DPM2: variants seen among roughly 807,000 people sequenced by gnomAD.
DPM2 encodes dolichol phosphate-mannose biosynthesis regulatory protein.
In DPM2, 8 loss-of-function variants were observed where a neutral mutation model predicts 12.1. The ratio of observed to expected loss-of-function variants is 0.66; its 90% confidence interval spans 0.39 to 1.19. The LOEUF (loss-of-function observed/expected upper bound fraction) is 1.19, where lower values mean the gene tolerates loss of function less well. DPM2 is among the 50% of genes most tolerant of loss of function. The pLI is 0.01. For synonymous variants in DPM2, 38 were observed against 44.7 expected (o/e 0.85, Z 0.60); for missense variants, 93 against 102.5 (o/e 0.91, Z 0.40).
intron 1 of DPM2, 120 bp downstream of exon 1, chr9:127,937,698 C>A: frequency 7.2e-7 from 1 of 1,383,880 alleles, no homozygotes. Flanking sequence ...CGTTGTCGTC[C>A]GTACAATAGT....
intron 1 of DPM2, 142 bp downstream of exon 1, chr9:127,937,676 G>T: frequency 7.9e-7 from 1 of 1,266,872 alleles, no homozygotes; most frequent in Non-Finnish European, 1.1e-6. Flanking sequence ...GGGAGAGAAT[G>T]CTAGGCCTCC....
chr9:127,936,621 T>G lies in DPM2; in HGVS notation c.128A>C (p.Tyr43Ser). 1 of 1,517,240 alleles carries G rather than the reference T, an allele frequency of 6.6e-7. No homozygotes were observed. 94.0% of individuals were successfully genotyped at this position (1,517,240 alleles called of 1,614,324 possible). ...GACAGCATAGGCTCGGGGCAGGAAA[T>G]ACTTGTGGATGACATGCTGACTGTC... is the stretch of plus-strand genomic sequence containing the variant. The part of the protein sequence containing the change: ...FIDSQHVIHK[Y>S]FLPRAYAVAI... The change falls in exon 3 of 4, where the codon TAT becomes TCT. Residue 43 changes from tyrosine (Y) to serine (S), a missense_variant. Physicochemically the swap from Tyr to Ser is moderately radical, Grantham distance 144. Coordinates refer to ENST00000314392, the MANE Select transcript of DPM2 (RefSeq NM_003863.4).
At chr9:127,936,791 G>A (rs1035582216) in intron 2 of DPM2, 136 bp from the exon 3 acceptor site, 5 of 709,668 alleles carry the variant, frequency 7.0e-6, no homozygotes, top group African/African-American at 5.6e-5. Context: ...TTAAGATTAC[G>A]GCATTTGGGT....
At chr9:127,936,223 A>G in intron 3 of DPM2, 1 of 1,356,710 alleles carries the variant, frequency 7.4e-7, no homozygotes, top group Non-Finnish European at 9.8e-7. Flanking sequence ...TGCAGTAATG[A>G]TGGAGACACA....
At chr9:127,936,442 G>C (rs761061509) in intron 3 of DPM2, 111 bp downstream of exon 3, 1 of 1,609,140 alleles carries the variant, frequency 6.2e-7, no homozygotes, top group Admixed American at 1.7e-5. Flanking sequence ...AAACCCCACG[G>C]GTGAGTTCGG....
At chr9:127,937,313 G>T in intron 2 of DPM2, 121 bp downstream of exon 2, 1 of 725,608 alleles carries the variant, frequency 1.4e-6, no homozygotes, top group Non-Finnish European at 2.4e-6. Context: ...GAGTTGTTCT[G>T]GAGAGTTCAA....
rs771531305 is a variant in DPM2 at position 127,937,527 on chromosome 9, G to A, written c.4-4C>T. 6.2e-7 allele frequency: 1 copy of A among 1,609,838 alleles called. No homozygotes were observed. On this transcript the variant is annotated splice_polypyrimidine_tract_variant and splice_region_variant and intron_variant, in intron 1 of 3. Coordinates refer to ENST00000314392, the MANE Select transcript of DPM2 (RefSeq NM_003863.4). ...CCACCTGGTCTGTCCCCGTGGCCTG[G>A]AGAAAAGGGAGGTCTCAGCTGACGA...
intron 3 of DPM2, chr9:127,936,255 TGAGA>T (rs897997540): frequency 1.3e-5 from 18 of 1,415,770 alleles, no homozygotes; most frequent in African/African-American, 2.9e-5. Flanking sequence ...TAGGAAGCCA[TGAGA>T]GAGAGAGGTG....
At position 127,937,852 on chromosome 9, in the gene DPM2, G is replaced by A. The variant is rs756877865; in HGVS notation, c.-32C>T. On this transcript the variant is annotated 5_prime_UTR_variant, in exon 1 of 4. Transcript: ENST00000314392. The stretch of plus-strand genomic sequence containing the variant: ...GCGCGCTCAGCCACCCGAGCCGCAA[G>A]CCACATCCGGTTCCGGGTCCACGCT... 1 of 1,607,498 alleles carries A rather than the reference G, an allele frequency of 6.2e-7. No individual in the cohort carries two copies. The highest frequency in any genetic ancestry group is 2.2e-5 in the East Asian group (1 of 44,828).
intron 3 of DPM2, 41 bp downstream of exon 3, chr9:127,936,512 G>A (rs780827675): frequency 2.4e-5 from 38 of 1,604,368 alleles, no homozygotes; most frequent in South Asian, 1.1e-4. Flanking sequence ...GGGTCTTCCC[G>A]AAACCCTGCC....
chr9:127,935,988 G>C, intron 3 of DPM2: 1 of 605,342 alleles, frequency 1.7e-6, no homozygotes, highest in Non-Finnish European at 2.9e-6. Flanking sequence ...CCTGCCTCAA[G>C]CAAGATGCTG....
intron 1 of DPM2, 31 bp from the exon 2 acceptor site, chr9:127,937,554 G>A (rs1240851614): frequency 6.4e-7 from 1 of 1,571,154 alleles, no homozygotes; most frequent in Non-Finnish European, 8.7e-7. Context: ...AGCTGACGAA[G>A]TGACCCTCTA....
At chr9:127,936,379 G>A (rs1235058495) in intron 3 of DPM2, 174 bp downstream of exon 3, 3 of 1,546,636 alleles carry the variant, frequency 1.9e-6, no homozygotes, top group African/African-American at 2.7e-5. Flanking sequence ...AAAAGCCTGG[G>A]GCACCAGGAA....
rs779845740 is a variant in DPM2 at position 127,937,541 on chromosome 9, C to A, written c.4-18G>T. The A allele has an allele frequency of 2.5e-6, 4 of 1,600,226 alleles. No individual in the cohort carries two copies. Among genetic ancestry groups the A allele is most frequent in the African/African-American group, 1.3e-5 (1 of 74,442 alleles). On this transcript the variant is annotated intron_variant, in intron 1 of 3. Coordinates refer to ENST00000314392, the MANE Select transcript of DPM2 (RefSeq NM_003863.4). ...CCCGTGGCCTGGAGAAAAGGGAGGTCTCAGCTGACGAAGTGACCCTCTATT... is the reference window on the plus strand; with the variant it reads ...CCCGTGGCCTGGAGAAAAGGGAGGTATCAGCTGACGAAGTGACCCTCTATT...
chr9:127,937,686 C>T, intron 1 of DPM2, 132 bp downstream of exon 1: 2 of 1,317,554 alleles, frequency 1.5e-6, no homozygotes, highest in Non-Finnish European at 2.2e-6. Context: ...GCTAGGCCTC[C>T]GCGTTGTCGT....
Position 127,935,592 on chromosome 9 carries a change from T to C in DPM2, c.*130A>G, listed in dbSNP as rs1003690875. The C allele has an allele frequency of 3.4e-5, 31 of 905,012 alleles. No homozygotes were observed. Among genetic ancestry groups the C allele is most frequent in the Non-Finnish European group, 4.7e-5 (27 of 568,618 alleles). The allele number at this position is 905,012 out of a possible 1,614,324, so 56.1% of individuals were successfully genotyped here. A position where few individuals can be genotyped will look rare whatever the true frequency, so the allele number is the denominator to read the frequency against. On this transcript the variant is annotated 3_prime_UTR_variant, in exon 4 of 4. Transcript: ENST00000314392. The stretch of plus-strand genomic sequence containing the variant: ...TCAGTCAGGTGTAAGCTCCATGCCA[T>C]GGGGACTCTGCAGGACAGGCAGGCT...
chr9:127,935,624 G>T lies in DPM2; in HGVS notation c.*98C>A. The T allele has an allele frequency of 7.9e-7, 1 of 1,267,308 alleles. No individual in the cohort carries two copies. Among genetic ancestry groups the T allele is most frequent in the South Asian group, 1.2e-5 (1 of 81,196 alleles). 78.5% of individuals were successfully genotyped at this position (1,267,308 alleles called of 1,614,324 possible). On this transcript the variant is annotated 3_prime_UTR_variant, in exon 4 of 4. Transcript: ENST00000314392. The stretch of plus-strand genomic sequence containing the variant: ...TCTGCAGGACAGGCAGGCTTGAGGA[G>T]CCACTGTGCCTGGACAGGTTCTGCA...
rs764816592 is a variant in DPM2 at position 127,936,348 on chromosome 9, T to A, written c.196+205A>T. On this transcript the variant is annotated intron_variant, in intron 3 of 3. Transcript: ENST00000314392. ...TGATGGGGTTGGGGCAGGAAAGAGG[T>A]AGACAGGTCATTGGAGTCCAAAAAG... The A allele has an allele frequency of 1.2e-5, 18 of 1,513,810 alleles. 2 individuals are homozygous for A. In the South Asian group the frequency reaches 2.3e-4, roughly 19 times the overall value. 93.8% of individuals were successfully genotyped at this position (1,513,810 alleles called of 1,614,324 possible).
chr9:127,935,808 A>AT, intron 3 of DPM2, 28 bp from the exon 4 acceptor site: 1 of 1,611,120 alleles, frequency 6.2e-7, no homozygotes, highest in African/African-American at 1.3e-5. Flanking sequence ...GAAAGGCCAC[A>AT]TAAGATCTAA....
Sources: gnomAD v4.1 joint callset for allele counts on GRCh38, gnomAD v4.1.1 for gene constraint, MANE v1.5 for transcripts, NCBI Gene and HGNC (gene_info 2026-07-23, HGNC 2026-07-21) for gene names.